The following STX12 variants were observed in gnomAD, a reference collection of about 807,000 sequenced individuals.
The protein encoded by STX12 is syntaxin-12.
STX12 carries 17 observed loss-of-function variants against 42.2 expected under a neutral mutation model. That is an observed-to-expected ratio of 0.40 (90% confidence interval 0.28 to 0.60). STX12 has a LOEUF of 0.60. Ranked by LOEUF, STX12 falls within the 20% of genes least tolerant of loss-of-function variation. STX12 has a pLI of 0.39. For missense variants in STX12, 297 were observed against 330.9 expected, an observed-to-expected ratio of 0.90 and a Z score of 0.79; for synonymous variants, 108 against 116.7, an observed-to-expected ratio of 0.93 and a Z score of 0.48.
chr1:27,803,025 TGTAGCATAGGGGGTTAAG>T (rs2088837110), intron 4 of STX12, among the ~76,000 whole-genome samples: 1 of 152,160 alleles, frequency 6.6e-6, no homozygotes, highest in Non-Finnish European at 1.5e-5. Context: ...TTATCCAGCA[TGTAGCATAGGGGGTTAAG>T]AGGTTAAATA....
intron 8 of STX12, among the ~76,000 whole-genome samples, chr1:27,820,630 TCTAGAAC>T: frequency 6.6e-6 from 1 of 152,258 alleles, no homozygotes; most frequent in Non-Finnish European, 1.5e-5. Flanking sequence ...TCCTCAGGGA[TCTAGAAC>T]TAGAAATACC....
In STX12 at chr1:27,822,830, A is replaced by G. The variant is rs1339644849; in HGVS notation, c.*501A>G. ...AGAAGCCTATTCTCTATCTATTTTG[A>G]AAGATTTTGGCACTATATTTAATTG... is the stretch of plus-strand genomic sequence containing the variant. On this transcript the variant is annotated 3_prime_UTR_variant, in exon 9 of 9. Transcript: ENST00000373943. The G allele has an allele frequency of 6.5e-6, 1 of 152,862 alleles. No homozygotes were observed. Among genetic ancestry groups the G allele is most frequent in the African/African-American group, 2.4e-5 (1 of 41,440 alleles). The allele number at this position is 152,862 out of a possible 1,614,324, so 9.5% of individuals were successfully genotyped here.
intron 6 of STX12, 55 bp downstream of exon 6, chr1:27,812,323 C>T (rs2088908726): frequency 1.6e-6 from 2 of 1,267,270 alleles, no homozygotes; most frequent in Admixed American, 4.1e-5. Flanking sequence ...GGTATCTGAA[C>T]TCCTTAGTTC....
chr1:27,774,058 T>A (rs1355553118), intron 1 of STX12: 1 of 152,222 alleles, frequency 6.6e-6, no homozygotes, highest in Admixed American at 6.5e-5. Context: ...TTTACATTAT[T>A]TTGTCTTTTG....
chr1:27,804,434 A>T (rs568121731), intron 4 of STX12, among the ~76,000 whole-genome samples: 1 of 151,758 alleles, frequency 6.6e-6, no homozygotes, highest in Admixed American at 6.6e-5. Flanking sequence ...CTCAAAAAAA[A>T]ATATCATTAA....
chr1:27,788,154 G>A (rs1182083605), intron 1 of STX12, among the ~76,000 whole-genome samples: 1 of 152,174 alleles, frequency 6.6e-6, no homozygotes, highest in Non-Finnish European at 1.5e-5. Flanking sequence ...TGGGCAATGA[G>A]TACTCTATTC....
At chr1:27,811,307 CAAA>C (rs1158641374) in intron 5 of STX12, among the ~76,000 whole-genome samples, 3 of 48,038 alleles carry the variant, frequency 6.2e-5, no homozygotes, top group African/African-American at 7.1e-5. Flanking sequence ...AACTCCGTCT[CAAA>C]AAAAAAAAAA....
intron 2 of STX12, among the ~76,000 whole-genome samples, chr1:27,790,171 T>C (rs2088729471): frequency 6.6e-6 from 1 of 152,252 alleles, no homozygotes. Context: ...TACATTGTAT[T>C]GTGTCTGGAG....
chr1:27,808,400 G>C (rs966421501), intron 4 of STX12, among the ~76,000 whole-genome samples: 3 of 151,362 alleles, frequency 2.0e-5, no homozygotes, highest in Non-Finnish European at 4.4e-5. Flanking sequence ...GTAGTGCAGT[G>C]GCACGATCTT....
chr1:27,788,467 T>A (rs2088713779), intron 1 of STX12, among the ~76,000 whole-genome samples: 1 of 152,184 alleles, frequency 6.6e-6, no homozygotes, highest in Non-Finnish European at 1.5e-5. Context: ...TGGTCTAGGA[T>A]AGGAGTTAAA....
chr1:27,793,349 C>A (rs2088762580), intron 2 of STX12, among the ~76,000 whole-genome samples, 184 bp from the exon 3 acceptor site: 2 of 152,154 alleles, frequency 1.3e-5, no homozygotes, highest in Admixed American at 6.6e-5. Flanking sequence ...AGTGAAGATA[C>A]CTTGAAGTGG....
chr1:27,790,089 A>G (rs1473355500), intron 2 of STX12, among the ~76,000 whole-genome samples: 1 of 152,206 alleles, frequency 6.6e-6, no homozygotes, highest in Non-Finnish European at 1.5e-5. Context: ...GAAGGTCTCT[A>G]CTGAAGATGT....
intron 1 of STX12, among the ~76,000 whole-genome samples, chr1:27,779,118 T>A (rs1226760124): frequency 6.6e-6 from 1 of 152,212 alleles, no homozygotes; most frequent in African/African-American, 2.4e-5. Flanking sequence ...TTTTTATGTT[T>A]CTTTGCTATC....
chr1:27,788,731 G>T (rs1260396772), intron 1 of STX12, among the ~76,000 whole-genome samples: 1 of 152,056 alleles, frequency 6.6e-6, no homozygotes, highest in East Asian at 1.9e-4. Context: ...ATCTACTAAG[G>T]CCAGGCGTGG....
intron 1 of STX12, among the ~76,000 whole-genome samples, chr1:27,783,628 C>T (rs573209497): frequency 3.3e-5 from 5 of 152,106 alleles, no homozygotes; most frequent in Non-Finnish European, 7.4e-5. Context: ...AGCCACCACG[C>T]CCAGCTGAGT....
chr1:27,819,775 T>C, intron 8 of STX12, 43 bp downstream of exon 8: 1 of 1,558,568 alleles, frequency 6.4e-7, no homozygotes, highest in Non-Finnish European at 8.8e-7. Context: ...GTTGCAGACT[T>C]TTTAGGCCAT....
At position 27,795,513 on chromosome 1, in the gene STX12, C is replaced by T. The variant is rs1051029095; in HGVS notation, c.288+1881C>T. Among the ~76,000 whole-genome samples the T allele has an allele frequency of 1.4e-4, 22 of 151,938 alleles. 1 individual carries two copies. Among genetic ancestry groups the T allele is most frequent in the African/African-American group, 4.8e-4 (20 of 41,370 alleles). On this transcript the variant is annotated intron_variant, in intron 3 of 8. Coordinates refer to ENST00000373943, the MANE Select transcript of STX12 (RefSeq NM_177424.3). The stretch of plus-strand genomic sequence containing the variant: ...TAGAGATGGGGTTTTGCCATGTTGG[C>T]CAGGCTGGTTTCAAACTCCTGACCT...
chr1:27,793,914 C>G (rs1009770566), intron 3 of STX12, among the ~76,000 whole-genome samples: 1 of 151,436 alleles, frequency 6.6e-6, no homozygotes, highest in South Asian at 2.1e-4. Context: ...ATGGAGTTAA[C>G]TGAAGAGAAA....
At chr1:27,809,065 G>A (rs1351367849) in intron 4 of STX12, among the ~76,000 whole-genome samples, 1 of 152,338 alleles carries the variant, frequency 6.6e-6, no homozygotes, top group East Asian at 1.9e-4. Context: ...GCTGGGCGCT[G>A]TGGCTCACGC....
Sources: allele counts gnomAD v4.1 joint callset (sites outside exome capture counted in the v4.1 genomes callset), GRCh38; gene constraint gnomAD v4.1.1; transcripts MANE v1.5; gene names NCBI Gene and HGNC (gene_info 2026-07-23, HGNC 2026-07-21).